AQP7: variants seen among roughly 807,000 people sequenced by gnomAD.
AQP7 encodes aquaporin 7.
Under a neutral mutation model 26.1 loss-of-function variants are expected in AQP7, and 22 were observed. The ratio of observed to expected loss-of-function variants is 0.84; its 90% confidence interval spans 0.60 to 1.20. The LOEUF is 1.20. Among genes scored for constraint, AQP7 ranks in the 50% most tolerant of loss-of-function variants. The probability of loss-of-function intolerance (pLI) is 0.00; values close to 1 mark genes in which losing one functional copy is unlikely to be tolerated. For synonymous variants in AQP7, 167 were observed against 181.7 expected, an observed-to-expected ratio of 0.92 and a Z score of 0.65; for missense variants, 412 against 457.5, an observed-to-expected ratio of 0.90 and a Z score of 0.91.
intron 3 of AQP7, among the ~76,000 whole-genome samples, chr9:33,389,221 G>A (rs1825154962): frequency 6.6e-6 from 1 of 152,098 alleles, no homozygotes; most frequent in Non-Finnish European, 1.5e-5. Context: ...TAGAGACAGG[G>A]TTTCACGATG....
At chr9:33,387,588 CCTAA>C (rs1186681412) in intron 3 of AQP7, among the ~76,000 whole-genome samples, 2 of 152,110 alleles carry the variant, frequency 1.3e-5, no homozygotes, top group African/African-American at 4.8e-5. Flanking sequence ...ACAGTGGGGC[CCTAA>C]CTGTCTTGCC....
At chr9:33,392,694 C>G (rs1360669624) in intron 3 of AQP7, among the ~76,000 whole-genome samples, 5 of 152,150 alleles carry the variant, frequency 3.3e-5, no homozygotes, top group Non-Finnish European at 7.3e-5. Context: ...TTACTTTGCC[C>G]TGGATTAAGG....
chr9:33,394,474 ATCTC>A (rs1475868763), intron 3 of AQP7, among the ~76,000 whole-genome samples: 22 of 146,748 alleles, frequency 1.5e-4, no homozygotes, highest in Admixed American at 2.8e-4. Context: ...TTTCTCTTCA[ATCTC>A]TCTCTCTCTT....
At chr9:33,398,649 A>T (rs551749467) in intron 2 of AQP7, among the ~76,000 whole-genome samples, 1 of 152,300 alleles carries the variant, frequency 6.6e-6, no homozygotes, top group East Asian at 1.9e-4. Flanking sequence ...CTGTGGGAGA[A>T]TGGACAAGGA....
intron 3 of AQP7, among the ~76,000 whole-genome samples, chr9:33,391,766 A>C (rs1825432205): frequency 6.6e-6 from 1 of 152,168 alleles, no homozygotes; most frequent in African/African-American, 2.4e-5. Context: ...AATAACAACA[A>C]CACAATGTCC....
intron 2 of AQP7, among the ~76,000 whole-genome samples, chr9:33,396,387 G>A (rs1347897539): frequency 3.5e-5 from 5 of 142,266 alleles, no homozygotes; most frequent in African/African-American, 7.9e-5. Context: ...GTGGTGAGCC[G>A]AGATCTTGCC....
intron 3 of AQP7, among the ~76,000 whole-genome samples, chr9:33,394,485 TC>T (rs1825681068): frequency 1.4e-5 from 1 of 69,288 alleles, no homozygotes; most frequent in Admixed American, 2.6e-4. Context: ...TCTCTCTCTC[TC>T]TTTTTTTTTT....
At chr9:33,400,719 C>G (rs541128985) in intron 2 of AQP7, among the ~76,000 whole-genome samples, 43 of 151,948 alleles carry the variant, frequency 2.8e-4, no homozygotes, top group African/African-American at 9.4e-4. Flanking sequence ...GCAAGAGAAT[C>G]GCTTGAACCC....
chr9:33,388,200 C>A (rs2890558), intron 3 of AQP7, among the ~76,000 whole-genome samples: 1 of 152,214 alleles, frequency 6.6e-6, no homozygotes, highest in Non-Finnish European at 1.5e-5. Context: ...TGGTGTTCCG[C>A]GGGCGTCTCA....
At chr9:33,394,999 C>G in intron 3 of AQP7, 79 bp downstream of exon 3, 1 of 1,248,094 alleles carries the variant, frequency 8.0e-7, no homozygotes, top group Non-Finnish European at 1.2e-6. Context: ...GACAATGTGA[C>G]CCATGGGGTC....
chr9:33,393,100 C>T (rs2380991), intron 3 of AQP7, among the ~76,000 whole-genome samples: 6 of 152,230 alleles, frequency 3.9e-5, no homozygotes, highest in African/African-American at 9.6e-5. Flanking sequence ...CACTGGCACG[C>T]GCCTGTAGTC....
chr9:33,385,344 C>T, intron 7 of AQP7, 54 bp from the exon 8 acceptor site: 1 of 1,557,440 alleles, frequency 6.4e-7, no homozygotes, highest in Non-Finnish European at 8.7e-7. Context: ...GGACAGCACC[C>T]TCATCCACCT....
intron 2 of AQP7, among the ~76,000 whole-genome samples, chr9:33,395,827 C>T (rs1447331637): frequency 2.6e-5 from 4 of 152,094 alleles, no homozygotes; most frequent in Non-Finnish European, 5.9e-5. Flanking sequence ...GAATGAATGA[C>T]CAAGAGAGAG....
chr9:33,392,628 C>T (rs113546003), intron 3 of AQP7, among the ~76,000 whole-genome samples: 1 of 152,134 alleles, frequency 6.6e-6, no homozygotes, highest in South Asian at 2.1e-4. Context: ...CTCCTGCCTC[C>T]GAGGTTCCAA....
chr9:33,401,239 C>G lies in AQP7; in HGVS notation c.24G>C (p.Arg8Ser). The G allele has an allele frequency of 6.5e-7, 1 of 1,549,318 alleles. No individual in the cohort carries two copies. Among genetic ancestry groups the G allele is most frequent in the Non-Finnish European group, 8.7e-7 (1 of 1,146,758 alleles). The change falls in exon 2 of 8, where the codon AGG (arginine) becomes AGC (serine). Residue 8 changes from arginine (R) to serine (S), a missense_variant and splice_region_variant. Arg to Ser is a moderately radical substitution (Grantham distance 110). Coordinates refer to ENST00000297988, the MANE Select transcript of AQP7 (RefSeq NM_001170.3). MVQASGH[R>S]RSTRGSKMVS... ...TGAGAAGAGGGTGGGGTACTTACCG[C>G]CTGTGCCCGGATGCTTGAACCATGT... is the stretch of plus-strand genomic sequence containing the variant.
At chr9:33,393,632 G>A (rs540148877) in intron 3 of AQP7, among the ~76,000 whole-genome samples, 58 of 152,362 alleles carry the variant, frequency 3.8e-4, no homozygotes, top group African/African-American at 1.4e-3. Flanking sequence ...AAGGGCAGAG[G>A]CTCGCTGGGG....
At chr9:33,386,051 AG>A (rs745778801) in intron 6 of AQP7, 25 bp downstream of exon 6, 12 of 1,611,318 alleles carry the variant, frequency 7.4e-6, no homozygotes, top group Non-Finnish European at 1.0e-5. Flanking sequence ...GGGCAGGGGG[AG>A]GGATACTCAT....
chr9:33,395,887 C>T (rs899410327), intron 2 of AQP7, among the ~76,000 whole-genome samples: 2 of 152,152 alleles, frequency 1.3e-5, no homozygotes, highest in African/African-American at 2.4e-5. Context: ...ATCTTCAGTG[C>T]CCAGCACCAC....
chr9:33,395,645 AG>A (rs1183666154), intron 2 of AQP7: 2 of 183,386 alleles, frequency 1.1e-5, no homozygotes, highest in East Asian at 3.1e-4. Context: ...GGCAACAGTG[AG>A]GCACTCTACA....
Sources: allele counts gnomAD v4.1 joint callset (sites outside exome capture counted in the v4.1 genomes callset), GRCh38; gene constraint gnomAD v4.1.1; transcripts MANE v1.5; gene names NCBI Gene and HGNC (gene_info 2026-07-23, HGNC 2026-07-21).